Variants in SLCO5A1 observed in about 807,000 individuals in gnomAD.
The protein encoded by SLCO5A1 is solute carrier organic anion transporter family member 5A1, also known as organic anion transporter polypeptide-related protein 4.
A neutral mutation model predicts 65.1 loss-of-function variants in SLCO5A1; 39 were observed. The ratio of observed to expected loss-of-function variants is 0.60; its 90% CI spans 0.46 to 0.78. The LOEUF (loss-of-function observed/expected upper bound fraction) is 0.78. Ranked by LOEUF, SLCO5A1 falls within the 30% of genes least tolerant of loss-of-function variation. The pLI is 0.00. For synonymous variants in SLCO5A1, 438 were observed against 415.7 expected (o/e 1.05, Z -0.65); for missense variants, 1,029 against 1,069.4 (o/e 0.96, Z 0.53).
At chr8:69,749,605 G>A (rs1012840675) in intron 4 of SLCO5A1, among the ~76,000 whole-genome samples, 3 of 150,930 alleles carry the variant, frequency 2.0e-5, no homozygotes, top group African/African-American at 7.3e-5. Context: ...GACAGAGTGA[G>A]ACAAAGCAAG....
intron 4 of SLCO5A1, among the ~76,000 whole-genome samples, chr8:69,748,436 C>A (rs906311699): frequency 6.6e-6 from 1 of 152,190 alleles, no homozygotes; most frequent in African/African-American, 2.4e-5. Flanking sequence ...ACCTCCTAAG[C>A]TGCAAGTCCA....
chr8:69,785,995 C>A (rs1819030090), intron 2 of SLCO5A1, among the ~76,000 whole-genome samples: 1 of 152,164 alleles, frequency 6.6e-6, no homozygotes, highest in East Asian at 1.9e-4. Flanking sequence ...TTTTCAAATT[C>A]ACTTATACAT....
intron 2 of SLCO5A1, among the ~76,000 whole-genome samples, chr8:69,828,465 G>T (rs1821018552): frequency 6.6e-6 from 1 of 152,004 alleles, no homozygotes; most frequent in Non-Finnish European, 1.5e-5. Context: ...AGCTGGGCGT[G>T]GTGGTGGGCG....
At chr8:69,755,977 A>G (rs1817524360) in intron 3 of SLCO5A1, among the ~76,000 whole-genome samples, 1 of 152,250 alleles carries the variant, frequency 6.6e-6, no homozygotes, top group African/African-American at 2.4e-5. Context: ...AAATCCCTAA[A>G]TTATAAATTC....
At chr8:69,762,770 A>C (rs1233902225) in intron 2 of SLCO5A1, among the ~76,000 whole-genome samples, 1 of 152,220 alleles carries the variant, frequency 6.6e-6, no homozygotes, top group Non-Finnish European at 1.5e-5. Flanking sequence ...ATTTTTTCAA[A>C]CCACCATGTT....
At chr8:69,756,501 A>G (rs1021925975) in intron 3 of SLCO5A1, among the ~76,000 whole-genome samples, 1 of 152,232 alleles carries the variant, frequency 6.6e-6, no homozygotes. Context: ...ATTTAAACTT[A>G]GTCCTTGCCT....
chr8:69,716,054 G>C (rs1243923947), intron 5 of SLCO5A1, among the ~76,000 whole-genome samples: 1 of 151,824 alleles, frequency 6.6e-6, no homozygotes, highest in Non-Finnish European at 1.5e-5. Flanking sequence ...GCCTGTTTGA[G>C]ACCTTTCATA....
At chr8:69,753,085 T>C (rs967556376) in intron 4 of SLCO5A1, among the ~76,000 whole-genome samples, 9 of 152,190 alleles carry the variant, frequency 5.9e-5, no homozygotes, top group African/African-American at 1.9e-4. Flanking sequence ...CCCTGATCGC[T>C]TTTGAACTTG....
intron 6 of SLCO5A1, among the ~76,000 whole-genome samples, chr8:69,690,739 A>T (rs1010031823): frequency 2.0e-5 from 3 of 152,222 alleles, no homozygotes; most frequent in Admixed American, 2.0e-4. Context: ...GAACTGAGTG[A>T]ATCATCCTGT....
intron 2 of SLCO5A1, among the ~76,000 whole-genome samples, chr8:69,816,588 T>G (rs1332302982): frequency 6.6e-6 from 1 of 152,126 alleles, no homozygotes; most frequent in Non-Finnish European, 1.5e-5. Flanking sequence ...AGTCTCTACC[T>G]CCAAGTATTC....
At chr8:69,757,521 A>G (rs1368681139) in intron 3 of SLCO5A1, among the ~76,000 whole-genome samples, 1 of 151,978 alleles carries the variant, frequency 6.6e-6, no homozygotes. Flanking sequence ...TCAACTAAAA[A>G]TACAAAAATT....
At chr8:69,736,353 T>G (rs902834458) in intron 5 of SLCO5A1, among the ~76,000 whole-genome samples, 2 of 152,248 alleles carry the variant, frequency 1.3e-5, no homozygotes, top group African/African-American at 4.8e-5. Context: ...AGCCTTGGCC[T>G]CTACCAGTAA....
intron 5 of SLCO5A1, among the ~76,000 whole-genome samples, chr8:69,712,254 A>C (rs1433403775): frequency 6.6e-6 from 1 of 152,188 alleles, no homozygotes; most frequent in East Asian, 1.9e-4. Context: ...AATAGACATT[A>C]ATTGTCCTAC....
chr8:69,676,684 G>A lies in SLCO5A1; in HGVS notation c.2025-11C>T. On this transcript the variant is annotated splice_polypyrimidine_tract_variant and intron_variant, in intron 8 of 9. Coordinates refer to ENST00000260126, the MANE Select transcript of SLCO5A1 (RefSeq NM_030958.3). ...TCATCTTCTACGGACCTACAGTGAA[G>A]GGAAAGAAGGAAATGCATTTTAAAT... is the stretch of plus-strand genomic sequence containing the variant. 6.2e-7 allele frequency: 1 copy of A among 1,605,972 alleles called. No individual in the cohort carries two copies. The highest frequency in any genetic ancestry group is 1.3e-5 in the African/African-American group (1 of 74,634).
At chr8:69,684,296 C>T (rs900547880) in intron 6 of SLCO5A1, among the ~76,000 whole-genome samples, 1 of 152,142 alleles carries the variant, frequency 6.6e-6, no homozygotes, top group African/African-American at 2.4e-5. Flanking sequence ...TGAGGGGGTG[C>T]TACGGGCATC....
chr8:69,686,231 C>CAAAAAAAAA (rs3060023), intron 6 of SLCO5A1, among the ~76,000 whole-genome samples: 38,739 of 139,608 alleles, frequency 0.28, 5,355 homozygotes, highest in East Asian at 0.35. Flanking sequence ...CTTCACACAG[C>CAAAAAAAAA]AAAAAAAAGA....
At chr8:69,743,254 A>G (rs1246293130) in intron 4 of SLCO5A1, among the ~76,000 whole-genome samples, 2 of 152,212 alleles carry the variant, frequency 1.3e-5, no homozygotes, top group African/African-American at 4.8e-5. Context: ...TTTTTTGACC[A>G]TTAGCCAAGT....
At chr8:69,830,559 T>C (rs1316352926) in intron 2 of SLCO5A1, among the ~76,000 whole-genome samples, 2 of 152,138 alleles carry the variant, frequency 1.3e-5, no homozygotes, top group Non-Finnish European at 2.9e-5. Context: ...AGTACAGAAA[T>C]AGAAAAACAA....
At chr8:69,707,950 G>C (rs1815050081) in intron 5 of SLCO5A1, among the ~76,000 whole-genome samples, 1 of 152,182 alleles carries the variant, frequency 6.6e-6, no homozygotes, top group Admixed American at 6.5e-5. Context: ...GTGTCTGTGG[G>C]CTGCAAGATC....
Sources: gnomAD v4.1 joint callset for allele counts (sites outside exome capture counted in the v4.1 genomes callset) on GRCh38, gnomAD v4.1.1 for gene constraint, MANE v1.5 for transcripts, NCBI Gene and HGNC (gene_info 2026-07-23, HGNC 2026-07-21) for gene names.